TMIE: variants seen among roughly 807,000 people sequenced by gnomAD.
TMIE encodes transmembrane inner ear expressed protein.
In TMIE, 14 loss-of-function variants were observed where a neutral mutation model predicts 16.8. The ratio of observed to expected loss-of-function variants is 0.83; its 90% CI spans 0.55 to 1.30. The LOEUF is 1.30. TMIE is among the 50% of genes most tolerant of loss of function. TMIE has a pLI of 0.00. For synonymous variants in TMIE, 75 were observed against 87.2 expected (o/e 0.86, Z 0.78); for missense variants, 204 against 205.9 (o/e 0.99, Z 0.06).
Position 46,709,859 on chromosome 3 carries a change from C to T in TMIE, c.*171C>T. Reference sequence around the variant, plus strand: ...CCATCAGGGGCAGGAACCAGACAATCTCGTAGGTGTCCTGCCCCCCAGCCT... The same window carrying T: ...CCATCAGGGGCAGGAACCAGACAATTTCGTAGGTGTCCTGCCCCCCAGCCT... On this transcript the variant is annotated 3_prime_UTR_variant, in exon 4 of 4. Transcript: ENST00000643606. 7.3e-7 allele frequency: 1 copy of T among 1,364,904 alleles called. No individual in the cohort carries two copies. Among genetic ancestry groups the T allele is most frequent in the Non-Finnish European group, 1.0e-6 (1 of 997,482 alleles). The allele number at this position is 1,364,904 out of a possible 1,614,324, so 84.5% of individuals were successfully genotyped here. A position where few individuals can be genotyped will look rare whatever the true frequency, so the allele number is the denominator to read the frequency against.
chr3:46,701,419 TGGCAGGGGCAGTGACCGGCGGCC>T lies in TMIE; in HGVS notation c.-65_-43del, dbSNP rs990761782. The T allele has an allele frequency of 7.7e-7, 1 of 1,305,808 alleles. No homozygotes were observed. The highest frequency in any genetic ancestry group is 1.5e-5 in the African/African-American group (1 of 64,640). 80.9% of individuals were successfully genotyped at this position (1,305,808 alleles called of 1,614,324 possible). On this transcript the variant is annotated 5_prime_UTR_variant, in exon 1 of 4. Transcript: ENST00000643606. The surrounding 1 kb of genome is among the most constrained non-coding windows in gnomAD (Gnocchi z 4.3). ...AAGCCCGTGGCCACCGAGCGCCGGC[TGGCAGGGGCAGTGACCGGCGGCC>T]GGCCCGTTCGTCCCTGGGCTCCGCA... is the stretch of plus-strand genomic sequence containing the variant.
chr3:46,707,611 T>C (rs1260838680), intron 2 of TMIE, among the ~76,000 whole-genome samples: 1 of 152,190 alleles, frequency 6.6e-6, no homozygotes, highest in African/African-American at 2.4e-5. Context: ...CAGGGACTTA[T>C]ATCCCAAGCC....
chr3:46,707,664 C>T (rs1451706396), intron 2 of TMIE, among the ~76,000 whole-genome samples: 1 of 152,228 alleles, frequency 6.6e-6, no homozygotes, highest in Non-Finnish European at 1.5e-5. Context: ...CTTTGCATCT[C>T]CCCTTCTTTG....
upstream of TMIE, among the ~76,000 whole-genome samples, chr3:46,700,444 G>A (rs1439453661): frequency 4.6e-5 from 7 of 152,256 alleles, no homozygotes; most frequent in Admixed American, 4.6e-4. Flanking sequence ...CCCAGCCTGC[G>A]CAGGCCTTCA....
intron 2 of TMIE, among the ~76,000 whole-genome samples, chr3:46,708,404 G>A (rs1700577976): frequency 6.6e-6 from 1 of 152,230 alleles, no homozygotes; most frequent in Non-Finnish European, 1.5e-5. Context: ...TGGGGCCAAG[G>A]TGGTCAGGCT....
At chr3:46,708,748 C>T (rs1700582775) in intron 2 of TMIE, among the ~76,000 whole-genome samples, 1 of 152,180 alleles carries the variant, frequency 6.6e-6, no homozygotes, top group Non-Finnish European at 1.5e-5. Context: ...AGTTGCACAC[C>T]CGGAGGCCTG....
upstream of TMIE, among the ~76,000 whole-genome samples, chr3:46,700,285 C>G (rs1468802551): frequency 6.6e-6 from 1 of 152,184 alleles, no homozygotes; most frequent in East Asian, 1.9e-4. Context: ...CGGGCCCTGA[C>G]ACTGGCAGGT....
intron 1 of TMIE, among the ~76,000 whole-genome samples, chr3:46,695,322 C>T (rs1444994782): frequency 1.3e-5 from 2 of 152,242 alleles, no homozygotes. Flanking sequence ...GGTATGGGGC[C>T]TTGTGCTGCT....
chr3:46,697,240 C>T (rs1700419202), upstream of TMIE, among the ~76,000 whole-genome samples: 1 of 152,228 alleles, frequency 6.6e-6, no homozygotes, highest in Non-Finnish European at 1.5e-5. Flanking sequence ...GGGCAGGCCC[C>T]AGGAAACGGA....
At chr3:46,705,335 C>T (rs1483476535) in intron 1 of TMIE, among the ~76,000 whole-genome samples, 2 of 152,140 alleles carry the variant, frequency 1.3e-5, no homozygotes, top group Non-Finnish European at 2.9e-5. Flanking sequence ...GCTGGCAGAA[C>T]TATGTGGCCC....
rs565176545 is a variant in TMIE at position 46,709,925 on chromosome 3, C to G, written c.*237C>G. 1 of 725,204 alleles carries G rather than the reference C, an allele frequency of 1.4e-6. No individual in the cohort carries two copies. Among genetic ancestry groups the G allele is most frequent in the Admixed American group, 3.0e-5 (1 of 33,360 alleles). The allele number at this position is 725,204 out of a possible 1,614,324, so 44.9% of individuals were successfully genotyped here. The stretch of plus-strand genomic sequence containing the variant: ...CACCCCATCCACATGGGTACTGTCT[C>G]GGCAGAGGTGGTCTGGTGCCACCGT... On this transcript the variant is annotated 3_prime_UTR_variant, in exon 4 of 4. Coordinates refer to ENST00000643606, the MANE Select transcript of TMIE (RefSeq NM_147196.3).
chr3:46,694,998 G>A (rs1700371861), intron 1 of TMIE, among the ~76,000 whole-genome samples: 1 of 152,164 alleles, frequency 6.6e-6, no homozygotes, highest in South Asian at 2.1e-4. Context: ...CTGTGTTGGT[G>A]GGTGGGGGCT....
At position 46,709,664 on chromosome 3, in the gene TMIE, CAAG is replaced by C. The variant is rs746715702; in HGVS notation, c.456_458del (p.Lys153del). The C allele has an allele frequency of 5.6e-6, 9 of 1,613,702 alleles. No individual in the cohort carries two copies. Among genetic ancestry groups the C allele is most frequent in the Non-Finnish European group, 6.8e-6 (8 of 1,179,950 alleles). On this transcript the variant is annotated inframe_deletion, in exon 4 of 4. Transcript: ENST00000643606. ...TAGAGGAGGATGAGAAGAATGAGGCCAAGAAGAAGAAAGGAGAGAAATGAAGAC... is the reference window on the plus strand; with the variant it reads ...TAGAGGAGGATGAGAAGAATGAGGCCAAGAAGAAAGGAGAGAAATGAAGAC...
Position 46,701,577 on chromosome 3 carries a change from G to A in TMIE, c.90G>A (p.Val30=). The change falls in exon 1 of 4, where the codon GTG becomes GTA. Residue 30 remains valine, a synonymous_variant. Coordinates refer to ENST00000643606, the MANE Select transcript of TMIE (RefSeq NM_147196.3). This position sits in a 1 kb window ranked among gnomAD's most constrained non-coding sequence, Gnocchi z 4.3. ...VCLAGVAGQL[V]EPSTAPPKPK... is the part of the protein sequence containing the mutation. Reference sequence around the variant, plus strand: ...TCGCGGGGGTTGCCGGGCAGCTGGTGGAGGTGAGGCCGCGGCACGGAGGGA... The same window carrying A: ...TCGCGGGGGTTGCCGGGCAGCTGGTAGAGGTGAGGCCGCGGCACGGAGGGA... 1 of 1,285,416 alleles carries A rather than the reference G, an allele frequency of 7.8e-7. No individual in the cohort carries two copies. The highest frequency in any genetic ancestry group is 3.1e-5 in the East Asian group (1 of 31,834). 79.6% of individuals were successfully genotyped at this position (1,285,416 alleles called of 1,614,324 possible). A position where few individuals can be genotyped will look rare whatever the true frequency, so the allele number is the denominator to read the frequency against.
chr3:46,701,985 A>G lies in TMIE; in HGVS notation c.93+405A>G, dbSNP rs1559495463. ...TTTCCTGGACCTCTAGTCTGATGGAACAGACCCTGAATTTAGGGTCTTCTG... is the reference window on the plus strand; with the variant it reads ...TTTCCTGGACCTCTAGTCTGATGGAGCAGACCCTGAATTTAGGGTCTTCTG... On this transcript the variant is annotated intron_variant, in intron 1 of 3. Coordinates refer to ENST00000643606, the MANE Select transcript of TMIE (RefSeq NM_147196.3). This position sits in a 1 kb window ranked among gnomAD's most constrained non-coding sequence, Gnocchi z 4.3. 1.3e-5 allele frequency among the ~76,000 whole-genome samples: 2 copies of G among 152,072 alleles called. No individual in the cohort carries two copies. The highest frequency in any genetic ancestry group is 4.8e-5 in the African/African-American group (2 of 41,426).
At position 46,709,110 on chromosome 3, in the gene TMIE, T is replaced by C. The variant is rs560825431; in HGVS notation, c.212-16T>C. ...GAACCCCAGCCCCAGCCAAGCCTGC[T>C]CTGTCCTCCCTACAGTCATCACGCT... On this transcript the variant is annotated splice_polypyrimidine_tract_variant and intron_variant, in intron 2 of 3. Transcript: ENST00000643606. The C allele has an allele frequency of 6.2e-7, 1 of 1,613,968 alleles. No homozygotes were observed. The highest frequency in any genetic ancestry group is 2.2e-5 in the East Asian group (1 of 44,880).
chr3:46,706,870 C>T (rs1221958570), intron 2 of TMIE, among the ~76,000 whole-genome samples: 4 of 152,208 alleles, frequency 2.6e-5, no homozygotes, highest in Non-Finnish European at 4.4e-5. Flanking sequence ...AGCTGCACTT[C>T]GTCCCAGCCG....
At chr3:46,693,932 G>A (rs1700329541), upstream of TMIE, among the ~76,000 whole-genome samples, 1 of 151,946 alleles carries the variant, frequency 6.6e-6, no homozygotes, top group African/African-American at 2.4e-5. Flanking sequence ...GGAAAAGTGG[G>A]AGTCTTGACC....
chr3:46,701,704 T>C lies in TMIE; in HGVS notation c.93+124T>C, dbSNP rs1026346824. ...CTTACTCTTGCCCTGAGAGATCCAG[T>C]CTCCCGGGCGATGCAGCCCTGCCCC... On this transcript the variant is annotated intron_variant, in intron 1 of 3. Coordinates refer to ENST00000643606, the MANE Select transcript of TMIE (RefSeq NM_147196.3). This position sits in a 1 kb window ranked among gnomAD's most constrained non-coding sequence, Gnocchi z 4.3. The C allele has an allele frequency of 4.9e-6, 4 of 811,352 alleles. No individual in the cohort carries two copies. The highest frequency in any genetic ancestry group is 6.6e-6 in the Non-Finnish European group (4 of 602,400). 50.3% of individuals were successfully genotyped at this position (811,352 alleles called of 1,614,324 possible). A position where few individuals can be genotyped will look rare whatever the true frequency, so the allele number is the denominator to read the frequency against.
Sources: gnomAD v4.1 joint callset for allele counts (sites outside exome capture counted in the v4.1 genomes callset) on GRCh38, gnomAD v4.1.1 for gene constraint, Gnocchi (gnomAD v3.1) non-coding constraint, MANE v1.5 for transcripts, NCBI Gene and HGNC (gene_info 2026-07-23, HGNC 2026-07-21) for gene names.